Variants in ABCA12 observed in about 807,000 individuals in gnomAD.
ABCA12 encodes the protein ATP binding cassette subfamily A member 12, also known as glucosylceramide transporter ABCA12.
A neutral mutation model predicts 293.5 loss-of-function variants in ABCA12; 156 were observed. The ratio of observed to expected loss-of-function variants is 0.53; its 90% confidence interval spans 0.47 to 0.61. The LOEUF is 0.61. Among genes scored for constraint, ABCA12 ranks in the 20% least tolerant of loss-of-function variants. ABCA12 has a pLI of 0.00. For missense variants in ABCA12, 2,797 were observed against 3,090.2 expected (o/e 0.91, Z 2.25); for synonymous variants, 1,063 against 1,108.0 (o/e 0.96, Z 0.81).
Position 215,075,764 on chromosome 2 carries a change from T to C in ABCA12, c.164-11545A>G, listed in dbSNP as rs1701822804. On this transcript the variant is annotated intron_variant, in intron 2 of 52. Transcript: ENST00000272895. ...AATTACCCCAATAGAGGTATGTTACTAACAACTATCTTTTCACTTGGAAAT... is the reference window on the plus strand; with the variant it reads ...AATTACCCCAATAGAGGTATGTTACCAACAACTATCTTTTCACTTGGAAAT... 2.5e-5 allele frequency: 13 copies of C among 528,608 alleles called. No individual in the cohort carries two copies. The South Asian group carries it at 3.6e-4, about 15-fold the overall frequency. The allele number at this position is 528,608 out of a possible 1,614,324, so 32.7% of individuals were successfully genotyped here. A position where few individuals can be genotyped will look rare whatever the true frequency, so the allele number is the denominator to read the frequency against.
intron 2 of ABCA12, among the ~76,000 whole-genome samples, chr2:215,099,954 C>A (rs1702321462): frequency 6.6e-6 from 1 of 151,794 alleles, no homozygotes; most frequent in South Asian, 2.1e-4. Flanking sequence ...AGGATAAAAT[C>A]TAGACTCCTA....
At chr2:214,976,148 T>C in intron 33 of ABCA12, 111 bp from the exon 34 acceptor site, 1 of 1,444,172 alleles carries the variant, frequency 6.9e-7, no homozygotes, top group Non-Finnish European at 9.5e-7. Context: ...GAAAAGCTTT[T>C]AAAGATTTGG....
At chr2:215,030,613 A>T (rs1700855955) in intron 9 of ABCA12, among the ~76,000 whole-genome samples, 1 of 152,020 alleles carries the variant, frequency 6.6e-6, no homozygotes, top group Non-Finnish European at 1.5e-5. Context: ...CAAAAAAAAA[A>T]AAAAAAGACA....
intron 42 of ABCA12, among the ~76,000 whole-genome samples, chr2:214,955,805 A>G (rs147146317): frequency 6.6e-6 from 1 of 152,318 alleles, no homozygotes; most frequent in East Asian, 1.9e-4. Context: ...AAAAAAATCC[A>G]AAGAGTTTTT....
intron 2 of ABCA12, among the ~76,000 whole-genome samples, chr2:215,083,494 G>A (rs947442065): frequency 6.6e-6 from 1 of 152,032 alleles, no homozygotes; most frequent in African/African-American, 2.4e-5. Context: ...TTGCATTTGG[G>A]TATCATAAGC....
At chr2:215,009,085 C>T (rs1700315940) in intron 18 of ABCA12, among the ~76,000 whole-genome samples, 1 of 152,116 alleles carries the variant, frequency 6.6e-6, no homozygotes, top group South Asian at 2.1e-4. Context: ...ACATCCCTAA[C>T]AATGATAGAT....
intron 3 of ABCA12, among the ~76,000 whole-genome samples, chr2:215,062,174 T>C (rs1340919061): frequency 6.6e-6 from 1 of 152,026 alleles, no homozygotes; most frequent in Non-Finnish European, 1.5e-5. Flanking sequence ...CTATCTCCTA[T>C]TATTGTTATT....
intron 2 of ABCA12, among the ~76,000 whole-genome samples, chr2:215,081,292 A>G (rs1357573326): frequency 1.3e-5 from 2 of 152,094 alleles, no homozygotes; most frequent in Non-Finnish European, 2.9e-5. Flanking sequence ...AGCCTGGCCA[A>G]CATGGTGAAA....
chr2:214,944,181 G>C (rs1006072632), intron 49 of ABCA12, among the ~76,000 whole-genome samples: 4 of 98,262 alleles, frequency 4.1e-5, no homozygotes, highest in Non-Finnish European at 5.9e-5. Flanking sequence ...GGTAGGCCAA[G>C]GGGGTGTATC....
At chr2:215,012,201 A>G (rs1700393719) in intron 15 of ABCA12, 66 bp from the exon 16 acceptor site, 2 of 1,496,690 alleles carry the variant, frequency 1.3e-6, no homozygotes, top group Non-Finnish European at 1.9e-6. Context: ...CATTGTTGGT[A>G]AGGTTGTAGA....
At chr2:215,059,727 G>C (rs551844569) in intron 3 of ABCA12, among the ~76,000 whole-genome samples, 6 of 152,030 alleles carry the variant, frequency 3.9e-5, no homozygotes, top group Non-Finnish European at 8.8e-5. Context: ...TAACACCACT[G>C]TGTCTCTCAG....
rs752468806 is a variant in ABCA12 at position 214,959,013 on chromosome 2, T to C, written c.5939+11A>G. 6.2e-7 allele frequency: 1 copy of C among 1,613,200 alleles called. No individual in the cohort carries two copies. ...AAGGAGAAAGTAGTCATGCTAGAGATATCTGCTTACGTGGCTTGTTCTTGG... is the reference window on the plus strand; with the variant it reads ...AAGGAGAAAGTAGTCATGCTAGAGACATCTGCTTACGTGGCTTGTTCTTGG... On this transcript the variant is annotated intron_variant, in intron 40 of 52. Transcript: ENST00000272895.
In ABCA12 at chr2:214,983,707, A is replaced by T. The variant is rs2105968265; in HGVS notation, c.4322T>A (p.Leu1441Gln). Reference protein sequence around the residue: ...SYLTTKEHLLLYGSIKVPHWT... With the variant: ...SYLTTKEHLLQYGSIKVPHWT... The stretch of plus-strand genomic sequence containing the variant: ...GTGAGGAACTTTGATGGAACCATAT[A>T]GGAGAAGGTGCTCCTTAGTAGTGAG... Residue 1441 changes from leucine (L) to glutamine (Q), a missense_variant, in exon 29 of 53, where the codon CTA becomes CAA. Transcript: ENST00000272895. 3.1e-6 allele frequency: 5 copies of T among 1,614,126 alleles called. No individual in the cohort carries two copies. The highest frequency in any genetic ancestry group is 4.2e-6 in the Non-Finnish European group (5 of 1,179,998).
At chr2:215,055,832 G>A (rs546039762) in intron 3 of ABCA12, among the ~76,000 whole-genome samples, 1 of 152,020 alleles carries the variant, frequency 6.6e-6, no homozygotes, top group Non-Finnish European at 1.5e-5. Context: ...GACCCTGACT[G>A]TATGCCCCTA....
chr2:215,112,946 A>G (rs1436719251), intron 1 of ABCA12, among the ~76,000 whole-genome samples: 1 of 152,234 alleles, frequency 6.6e-6, no homozygotes, highest in Non-Finnish European at 1.5e-5. Flanking sequence ...ACATATTCAC[A>G]AGAACATTAA....
At chr2:214,954,814 C>T (rs1022710511) in intron 43 of ABCA12, among the ~76,000 whole-genome samples, 3 of 152,178 alleles carry the variant, frequency 2.0e-5, no homozygotes, top group African/African-American at 7.2e-5. Context: ...GGTTTTTTCT[C>T]TATGAATGTT....
At chr2:214,968,854 T>C in intron 37 of ABCA12, 47 bp from the exon 38 acceptor site, 5 of 1,543,066 alleles carry the variant, frequency 3.2e-6, no homozygotes, top group Non-Finnish European at 4.5e-6. Context: ...GGAGAAAATC[T>C]TCTTAAATAG....
intron 51 of ABCA12, among the ~76,000 whole-genome samples, chr2:214,936,070 T>C (rs1262330928): frequency 2.6e-5 from 4 of 152,172 alleles, no homozygotes; most frequent in Non-Finnish European, 5.9e-5. Context: ...TGGTTTTGCA[T>C]TCTATGGTTT....
In ABCA12 at chr2:214,942,975, C is replaced by T. The variant is rs373955277; in HGVS notation, c.7386G>A (p.Met2462Ile). Residue 2462 changes from methionine to isoleucine, a missense_variant, in exon 50 of 53, where the codon ATG becomes ATA. Transcript: ENST00000272895. ...CEALCTRLAI[M>I]VNGKFQCIGS... ...CAATACATTGAAACTTTCCATTCAC[C>T]ATAATGGCCAACCTGGTACAGAGAG... 3 of 1,613,498 alleles carry T rather than the reference C, an allele frequency of 1.9e-6. No individual in the cohort carries two copies. The highest frequency in any genetic ancestry group is 4.5e-5 in the East Asian group (2 of 44,820).
Sources: gnomAD v4.1 joint callset for allele counts (sites outside exome capture counted in the v4.1 genomes callset) on GRCh38, gnomAD v4.1.1 for gene constraint, MANE v1.5 for transcripts, NCBI Gene and HGNC (gene_info 2026-07-23, HGNC 2026-07-21) for gene names.